CMSS1: variants seen among roughly 807,000 people sequenced by gnomAD.
CMSS1 encodes cms1 ribosomal small subunit homolog.
A neutral mutation model predicts 43.5 loss-of-function variants in CMSS1; 33 were observed. The ratio of observed to expected loss-of-function variants is 0.76; its 90% CI spans 0.57 to 1.01. CMSS1 has a LOEUF of 1.01. Among genes scored for constraint, CMSS1 ranks in the 50% least tolerant of loss-of-function variants. The pLI, the probability that CMSS1 is intolerant of heterozygous loss-of-function variation, is 0.00. For synonymous variants in CMSS1, 115 were observed against 117.2 expected, an observed-to-expected ratio of 0.98 and a Z score of 0.12; for missense variants, 313 against 326.4, an observed-to-expected ratio of 0.96 and a Z score of 0.32.
At chr3:99,900,905 C>T (rs1706414467) in intron 1 of CMSS1, among the ~76,000 whole-genome samples, 1 of 152,202 alleles carries the variant, frequency 6.6e-6, no homozygotes, top group Admixed American at 6.5e-5. Context: ...TGAAATTGGC[C>T]TAGGCCCTAG....
At chr3:99,889,850 C>A (rs1464980176) in intron 1 of CMSS1, among the ~76,000 whole-genome samples, 1 of 151,870 alleles carries the variant, frequency 6.6e-6, no homozygotes, top group Non-Finnish European at 1.5e-5. Flanking sequence ...CTGAGCATAC[C>A]CTCCCAGTTT....
intron 1 of CMSS1, among the ~76,000 whole-genome samples, chr3:100,055,130 G>A (rs2065442800): frequency 6.6e-6 from 1 of 152,110 alleles, no homozygotes; most frequent in Non-Finnish European, 1.5e-5. Context: ...CTGCCCTTCA[G>A]AACATTCTCA....
intron 1 of CMSS1, among the ~76,000 whole-genome samples, chr3:100,144,166 C>A (rs1292739959): frequency 6.6e-6 from 1 of 151,954 alleles, no homozygotes; most frequent in African/African-American, 2.4e-5. Flanking sequence ...AGGGGTTGGT[C>A]CCCTATCTTC....
chr3:99,866,350 A>G (rs140996968), intron 1 of CMSS1, among the ~76,000 whole-genome samples: 20 of 152,314 alleles, frequency 1.3e-4, no homozygotes, highest in African/African-American at 4.6e-4. Context: ...CTAAAGTGGT[A>G]TGCTTGGGAA....
At chr3:100,081,817 C>T (rs558999578) in intron 1 of CMSS1, among the ~76,000 whole-genome samples, 1 of 152,122 alleles carries the variant, frequency 6.6e-6, no homozygotes, top group South Asian at 2.1e-4. Context: ...GTCTTAGTTG[C>T]AGAGGGCTGT....
chr3:100,037,518 T>G (rs988844891), intron 1 of CMSS1, among the ~76,000 whole-genome samples: 1 of 152,298 alleles, frequency 6.6e-6, no homozygotes, highest in Admixed American at 6.5e-5. Context: ...TATAGAAATC[T>G]GAAAATCATA....
intron 1 of CMSS1, among the ~76,000 whole-genome samples, chr3:100,139,919 G>A (rs1260269635): frequency 6.6e-6 from 1 of 151,800 alleles, no homozygotes; most frequent in Non-Finnish European, 1.5e-5. Flanking sequence ...GCAGAGTTGA[G>A]TAGTTATCAA....
intron 1 of CMSS1, among the ~76,000 whole-genome samples, chr3:99,875,211 T>C (rs1046431451): frequency 6.6e-6 from 1 of 152,228 alleles, no homozygotes; most frequent in African/African-American, 2.4e-5. Context: ...TAAAATATTA[T>C]GGAGATTTTT....
intron 2 of CMSS1, 146 bp downstream of exon 2, chr3:100,147,207 G>A (rs1470810847): frequency 1.4e-6 from 1 of 739,046 alleles, no homozygotes; most frequent in Non-Finnish European, 2.0e-6. Flanking sequence ...AAAAGGCCAT[G>A]GGCCATGCTT....
At chr3:99,906,942 T>C (rs1706637180) in intron 1 of CMSS1, among the ~76,000 whole-genome samples, 1 of 152,260 alleles carries the variant, frequency 6.6e-6, no homozygotes, top group Non-Finnish European at 1.5e-5. Context: ...CAACTCTGAA[T>C]GGTTTCATGG....
intron 1 of CMSS1, among the ~76,000 whole-genome samples, chr3:100,120,107 A>G (rs2066607424): frequency 6.6e-6 from 1 of 152,254 alleles, no homozygotes; most frequent in Non-Finnish European, 1.5e-5. Context: ...TTGTTGTTGC[A>G]AATAAGCTGT....
At chr3:99,958,528 A>T (rs1708403500) in intron 1 of CMSS1, among the ~76,000 whole-genome samples, 1 of 152,172 alleles carries the variant, frequency 6.6e-6, no homozygotes, top group African/African-American at 2.4e-5. Context: ...TATAACATGT[A>T]TGTGCCACAG....
chr3:99,998,110 G>A (rs1475301746), intron 1 of CMSS1, among the ~76,000 whole-genome samples: 2 of 152,158 alleles, frequency 1.3e-5, no homozygotes, highest in East Asian at 3.8e-4. Context: ...CGGAAATTCA[G>A]AATCATAGTG....
At chr3:99,972,498 AT>A (rs1469515559) in intron 1 of CMSS1, among the ~76,000 whole-genome samples, 1 of 152,218 alleles carries the variant, frequency 6.6e-6, no homozygotes, top group East Asian at 1.9e-4. Flanking sequence ...TATTATAATA[AT>A]AACAGATTGG....
Position 100,160,412 on chromosome 3 carries a change from A to G in CMSS1, c.154-18A>G, listed in dbSNP as rs1348082579. On this transcript the variant is annotated intron_variant, in intron 2 of 9. Coordinates refer to ENST00000421999, the MANE Select transcript of CMSS1 (RefSeq NM_032359.4). Reference sequence around the variant, plus strand: ...ATCATGAAAAGATTAAAATGTTCTCATTTGTATTTCTTAATAGCCTAAAGA... The same window carrying G: ...ATCATGAAAAGATTAAAATGTTCTCGTTTGTATTTCTTAATAGCCTAAAGA... 2 of 1,294,818 alleles carry G rather than the reference A, an allele frequency of 1.5e-6. No individual in the cohort carries two copies. The highest frequency in any genetic ancestry group is 2.2e-6 in the Non-Finnish European group (2 of 900,782). 80.2% of individuals were successfully genotyped at this position (1,294,818 alleles called of 1,614,324 possible).
chr3:100,021,998 G>A (rs2064834342), intron 1 of CMSS1, among the ~76,000 whole-genome samples: 1 of 140,824 alleles, frequency 7.1e-6, no homozygotes, highest in Admixed American at 7.0e-5. Context: ...AGAGAGATAT[G>A]AGGGGGGCAC....
intron 1 of CMSS1, among the ~76,000 whole-genome samples, chr3:100,120,776 G>GTGGGGA (rs2066612683): frequency 6.6e-6 from 1 of 150,900 alleles, no homozygotes; most frequent in Non-Finnish European, 1.5e-5. Context: ...CGGGGTGGGG[G>GTGGGGA]TGGGGATGCA....
intron 1 of CMSS1, among the ~76,000 whole-genome samples, chr3:100,117,825 G>GTATATATATATA (rs1166983737): frequency 5.3e-5 from 4 of 75,162 alleles, no homozygotes; most frequent in Non-Finnish European, 7.2e-5. Flanking sequence ...ATAAACTGCA[G>GTATATATATATA]TATATATATA....
intron 1 of CMSS1, among the ~76,000 whole-genome samples, chr3:100,126,781 G>A (rs2066666088): frequency 6.6e-6 from 1 of 152,122 alleles, no homozygotes; most frequent in African/African-American, 2.4e-5. Flanking sequence ...GGTGGATCAC[G>A]AGGTCAGGAG....
Sources: allele counts gnomAD v4.1 joint callset (sites outside exome capture counted in the v4.1 genomes callset), GRCh38; gene constraint gnomAD v4.1.1; transcripts MANE v1.5; gene names NCBI Gene and HGNC (gene_info 2026-07-23, HGNC 2026-07-21).